The following PTPRG variants were observed in gnomAD, a reference collection of about 807,000 sequenced individuals.
PTPRG encodes receptor-type tyrosine-protein phosphatase gamma.
PTPRG carries 102 observed loss-of-function variants against 165.3 expected under a neutral mutation model. That is an observed-to-expected ratio of 0.62 (90% CI 0.53 to 0.73). The LOEUF (loss-of-function observed/expected upper bound fraction) is 0.73. Among genes scored for constraint, PTPRG ranks in the 30% least tolerant of loss-of-function variants. The pLI, the probability that PTPRG is intolerant of heterozygous loss-of-function variation, is 0.00. For missense variants in PTPRG, 1,866 were observed against 1,861.4 expected, an observed-to-expected ratio of 1.00 and a Z score of -0.05; for synonymous variants, 675 against 669.5, an observed-to-expected ratio of 1.01 and a Z score of -0.13.
chr3:61,674,123 A>G (rs946248842), intron 1 of PTPRG, among the ~76,000 whole-genome samples: 4 of 152,080 alleles, frequency 2.6e-5, no homozygotes, highest in South Asian at 2.1e-4. Flanking sequence ...TGGCACGTGT[A>G]TACCTATGTA....
chr3:61,859,730 A>G (rs1243628169), intron 2 of PTPRG, among the ~76,000 whole-genome samples: 1 of 152,000 alleles, frequency 6.6e-6, no homozygotes, highest in Non-Finnish European at 1.5e-5. Flanking sequence ...ACCTGAACCC[A>G]AGTCTTAGGA....
At chr3:62,076,163 C>T (rs550308162) in intron 4 of PTPRG, among the ~76,000 whole-genome samples, 172 of 152,010 alleles carry the variant, frequency 1.1e-3, no homozygotes, top group South Asian at 2.9e-3. Flanking sequence ...GGTGTATACC[C>T]GTAGTCCCAG....
chr3:61,817,300 T>A (rs963953958), intron 2 of PTPRG, among the ~76,000 whole-genome samples: 4 of 147,008 alleles, frequency 2.7e-5, no homozygotes, highest in Admixed American at 2.1e-4. Context: ...AATTTTTTTT[T>A]AAATGGTTCA....
At chr3:61,654,698 C>A (rs983402267) in intron 1 of PTPRG, among the ~76,000 whole-genome samples, 6 of 149,742 alleles carry the variant, frequency 4.0e-5, no homozygotes, top group Non-Finnish European at 8.9e-5. Context: ...TAATATAATT[C>A]TATCCTGCTT....
intron 8 of PTPRG, among the ~76,000 whole-genome samples, chr3:62,189,564 C>G (rs1440290876): frequency 6.6e-6 from 1 of 152,166 alleles, no homozygotes; most frequent in African/African-American, 2.4e-5. Context: ...TCCTCCTCAC[C>G]CTCCCCTGCC....
intron 2 of PTPRG, among the ~76,000 whole-genome samples, chr3:61,766,090 G>A (rs142849805): frequency 1.3e-5 from 2 of 152,272 alleles, no homozygotes; most frequent in South Asian, 2.1e-4. Context: ...GCAGGTCTAC[G>A]AGGAGTTTGA....
intron 1 of PTPRG, among the ~76,000 whole-genome samples, chr3:61,726,274 A>T (rs537134780): frequency 1.3e-5 from 2 of 152,188 alleles, no homozygotes; most frequent in East Asian, 3.9e-4. Context: ...CTTGTTTACC[A>T]TCTCTTTCAA....
intron 8 of PTPRG, among the ~76,000 whole-genome samples, chr3:62,175,414 G>A (rs1705381600): frequency 6.6e-6 from 1 of 152,182 alleles, no homozygotes; most frequent in African/African-American, 2.4e-5. Context: ...CCAGGAGTTT[G>A]AGGCCATCCT....
chr3:62,003,504 G>C lies in PTPRG; in HGVS notation c.519+7G>C. The C allele has an allele frequency of 6.2e-7, 1 of 1,613,512 alleles. No individual in the cohort carries two copies. Among genetic ancestry groups the C allele is most frequent in the Non-Finnish European group, 8.5e-7 (1 of 1,179,720 alleles). ...CAGGAGGTTTCCTGTTGAGGTGAGA[G>C]AAAGTCAAGATCTCAACGTGTAGCT... On this transcript the variant is annotated splice_region_variant and intron_variant, in intron 4 of 29. Transcript: ENST00000474889.
intron 1 of PTPRG, among the ~76,000 whole-genome samples, chr3:61,656,649 A>AC (rs1702517616): frequency 6.6e-6 from 1 of 152,132 alleles, no homozygotes; most frequent in East Asian, 1.9e-4. Flanking sequence ...ATTGCATTTG[A>AC]TGGGTCTGTT....
chr3:62,063,952 C>T (rs894470310), intron 4 of PTPRG, among the ~76,000 whole-genome samples: 2 of 152,176 alleles, frequency 1.3e-5, no homozygotes, highest in East Asian at 3.9e-4. Context: ...TGATGTGGAG[C>T]TGTCTGTTGC....
At chr3:61,647,626 TA>T (rs1436067364) in intron 1 of PTPRG, among the ~76,000 whole-genome samples, 16 of 151,776 alleles carry the variant, frequency 1.1e-4, no homozygotes, top group East Asian at 5.8e-4. Context: ...CCGTCTCCAC[TA>T]AAAAATACAA....
At chr3:62,077,483 A>C (rs1008993796) in intron 4 of PTPRG, among the ~76,000 whole-genome samples, 3 of 152,138 alleles carry the variant, frequency 2.0e-5, no homozygotes, top group Non-Finnish European at 4.4e-5. Context: ...TAAGAGGATT[A>C]AGAAAAATAA....
chr3:61,651,852 A>G (rs187218443), intron 1 of PTPRG, among the ~76,000 whole-genome samples: 13 of 152,194 alleles, frequency 8.5e-5, no homozygotes, highest in Admixed American at 1.3e-4. Flanking sequence ...TCTACTAAAA[A>G]TACAAAACTT....
At position 61,796,563 on chromosome 3, in the gene PTPRG, A is replaced by G. The variant is rs549661396; in HGVS notation, c.190+47581A>G. On this transcript the variant is annotated intron_variant, in intron 2 of 29. Transcript: ENST00000474889. ...GTGGTGCTTTGTGTGCAAGTTGACC[A>G]TTGTGGCAAGGTCATAGGATAGCAT... 3.3e-5 allele frequency among the ~76,000 whole-genome samples: 5 copies of G among 152,196 alleles called. No individual in the cohort carries two copies. In the South Asian group the frequency reaches 6.2e-4, roughly 19 times the overall value.
At chr3:61,823,353 G>T (rs186975414) in intron 2 of PTPRG, among the ~76,000 whole-genome samples, 32 of 152,270 alleles carry the variant, frequency 2.1e-4, no homozygotes, top group Non-Finnish European at 3.7e-4. Flanking sequence ...ACCACAACCA[G>T]CTAATTTTTG....
chr3:61,757,428 A>C (rs11711744), intron 2 of PTPRG, among the ~76,000 whole-genome samples: 28,337 of 152,020 alleles, frequency 0.19, 3,483 homozygotes, highest in Non-Finnish European at 0.25. Flanking sequence ...GGGGGAGAAA[A>C]AGAAAAAAAC....
chr3:61,920,714 C>T (rs2039056694), intron 2 of PTPRG, among the ~76,000 whole-genome samples: 1 of 152,104 alleles, frequency 6.6e-6, no homozygotes, highest in South Asian at 2.1e-4. Flanking sequence ...TTTTTTAGAG[C>T]AATTTTAGGT....
intron 2 of PTPRG, among the ~76,000 whole-genome samples, chr3:61,967,974 G>C (rs1229591827): frequency 2.6e-5 from 4 of 152,040 alleles, no homozygotes; most frequent in African/African-American, 7.2e-5. Context: ...ACAAAATTTT[G>C]GTCCTCTGGC....
Sources: gnomAD v4.1 joint callset for allele counts (sites outside exome capture counted in the v4.1 genomes callset) on GRCh38, gnomAD v4.1.1 for gene constraint, MANE v1.5 for transcripts, NCBI Gene and HGNC (gene_info 2026-07-23, HGNC 2026-07-21) for gene names.